The following DNAH17 variants were observed in gnomAD, a reference collection of about 807,000 sequenced individuals.
DNAH17 encodes dynein axonemal heavy chain 17, also known as axonemal beta dynein heavy chain 17.
In DNAH17, 376 loss-of-function variants were observed where a neutral mutation model predicts 485.6. The ratio of observed to expected loss-of-function variants is 0.77; its 90% confidence interval spans 0.71 to 0.84. The LOEUF (loss-of-function observed/expected upper bound fraction) is 0.84, where lower values mean the gene tolerates loss of function less well. DNAH17 is among the 40% of genes least tolerant of loss of function. DNAH17 has a pLI of 0.00. For synonymous variants in DNAH17, 3,031 were observed against 2,405.9 expected (o/e 1.26, Z -7.60); for missense variants, 6,370 against 5,839.3 (o/e 1.09, Z -2.96).
rs564518198 is a variant in DNAH17 at position 78,427,055 on chromosome 17, C to T, written c.12642G>A (p.Met4214Ile). ...ILEKIPETFN[M>I]AEIMAKAAEK... ...CCGCTGCCTTTGCCATGATCTCAGC[C>T]ATGTTGAAAGTCTCCGGAATCTTCT... is the stretch of plus-strand genomic sequence containing the variant. Residue 4214 changes from methionine (M) to isoleucine (I), a missense_variant, in exon 78 of 81, where the codon ATG (methionine) becomes ATA (isoleucine). Transcript: ENST00000389840. 10 of 1,599,258 alleles carry T rather than the reference C, an allele frequency of 6.3e-6. No homozygotes were observed. The Admixed American group carries it at 1.6e-4, about 25-fold the overall frequency.
At chr17:78,468,310 G>A (rs28464295) in intron 55 of DNAH17, among the ~76,000 whole-genome samples, 8,226 of 152,032 alleles carry the variant, frequency 0.054, 724 homozygotes, top group African/African-American at 0.18. Context: ...GTTTTATATC[G>A]GGCCCTTGAG....
At chr17:78,460,282 G>T (rs79145832) in intron 58 of DNAH17, 25 bp from the exon 59 acceptor site, 10 of 1,564,878 alleles carry the variant, frequency 6.4e-6, no homozygotes, top group Admixed American at 5.7e-5. Flanking sequence ...GACAGGAGAG[G>T]TTACTGCAGG....
intron 18 of DNAH17, among the ~76,000 whole-genome samples, chr17:78,539,363 A>C (rs2091461390): frequency 6.6e-6 from 1 of 152,230 alleles, no homozygotes; most frequent in South Asian, 2.1e-4. Context: ...GCCGTATATA[A>C]TCAAGTAGGT....
intron 68 of DNAH17, 184 bp downstream of exon 68, chr17:78,450,070 G>A: frequency 3.1e-6 from 2 of 643,800 alleles, no homozygotes; most frequent in Middle Eastern, 2.5e-4. Flanking sequence ...GGGGAGAATG[G>A]GTGTAGGACT....
chr17:78,574,465 T>C (rs1308616379), intron 2 of DNAH17, among the ~76,000 whole-genome samples: 1 of 150,966 alleles, frequency 6.6e-6, no homozygotes, highest in African/African-American at 2.4e-5. Flanking sequence ...CTCCCACCAC[T>C]GCACTCCAGC....
rs1337883603 is a variant in DNAH17 at position 78,449,404 on chromosome 17, T to A, written c.11211+10A>T. On this transcript the variant is annotated intron_variant, in intron 69 of 80. Coordinates refer to ENST00000389840, the MANE Select transcript of DNAH17 (RefSeq NM_173628.4). ...CGGACCACACTAGGAACAGTGAGGC[T>A]AGACATTACCTGAAACGTAACTTGT... 8.4e-6 allele frequency: 13 copies of A among 1,547,192 alleles called. No individual in the cohort carries two copies. Among genetic ancestry groups the A allele is most frequent in the African/African-American group, 1.4e-5 (1 of 72,900 alleles).
At chr17:78,484,783 G>C in intron 48 of DNAH17, 85 bp downstream of exon 48, 1 of 671,350 alleles carries the variant, frequency 1.5e-6, no homozygotes. Flanking sequence ...CTGCCCTGGG[G>C]CTCCGCCTCT....
intron 54 of DNAH17, among the ~76,000 whole-genome samples, chr17:78,471,171 C>G (rs2088732104): frequency 6.6e-6 from 1 of 152,194 alleles, no homozygotes. Flanking sequence ...GCTGCTCCAT[C>G]CTTCGGAAGC....
chr17:78,541,729 GCCTGCCCTCTTGCTATGCT>G (rs2091594650), intron 17 of DNAH17, among the ~76,000 whole-genome samples: 1 of 151,986 alleles, frequency 6.6e-6, no homozygotes, highest in South Asian at 2.1e-4. Flanking sequence ...CTGCCTCCTC[GCCTGCCCTCTTGCTATGCT>G]CCTGCCCTCT....
intron 24 of DNAH17, among the ~76,000 whole-genome samples, chr17:78,525,409 G>A (rs535863790): frequency 6.6e-6 from 1 of 152,352 alleles, no homozygotes; most frequent in Admixed American, 6.5e-5. Context: ...GACTCCCAAT[G>A]GGCATGGTAA....
At chr17:78,506,075 C>CT (rs1336611625) in intron 30 of DNAH17, among the ~76,000 whole-genome samples, 1 of 151,986 alleles carries the variant, frequency 6.6e-6, no homozygotes, top group African/African-American at 2.4e-5. Context: ...CATATCCCTT[C>CT]TTCTTGTGTA....
intron 54 of DNAH17, chr17:78,472,627 T>G (rs1277962440): frequency 7.1e-6 from 3 of 424,522 alleles, no homozygotes; most frequent in Non-Finnish European, 1.4e-5. Flanking sequence ...CCGGGGGCTG[T>G]GTGTGGGGTG....
Position 78,493,436 on chromosome 17 carries a change from A to G in DNAH17, c.6408+600T>C, listed in dbSNP as rs114026760. 8.9e-3 allele frequency among the ~76,000 whole-genome samples: 1,353 copies of G among 152,326 alleles called. 19 individuals are homozygous for G. The highest frequency in any genetic ancestry group is 0.031 in the African/African-American group (1,282 of 41,566). On this transcript the variant is annotated intron_variant, in intron 41 of 80. Transcript: ENST00000389840. ...ACTCCCCACAATCCTCCATTCAGGGAAAAGGAGCTTTAAAGACACGGTTGA... is the reference window on the plus strand; with the variant it reads ...ACTCCCCACAATCCTCCATTCAGGGGAAAGGAGCTTTAAAGACACGGTTGA...
Position 78,506,792 on chromosome 17 carries a change from A to G in DNAH17, c.4731T>C (p.Ala1577=). The part of the protein sequence containing the change: ...LAEYLETKRL[A]FPRFYFVSSA... The stretch of plus-strand genomic sequence containing the variant: ...AGGAGACAAAATAGAACCGGGGGAA[A>G]GCCAGTCTTTTCGTCTCTAAATACT... The change falls in exon 30 of 81, where the codon GCT becomes GCC. Residue 1577 remains alanine (A), a synonymous_variant. Coordinates refer to ENST00000389840, the MANE Select transcript of DNAH17 (RefSeq NM_173628.4). 6.2e-7 allele frequency: 1 copy of G among 1,613,970 alleles called. No homozygotes were observed. The highest frequency in any genetic ancestry group is 1.1e-5 in the South Asian group (1 of 91,078).
intron 48 of DNAH17, among the ~76,000 whole-genome samples, chr17:78,484,387 C>A (rs1035562157): frequency 5.3e-5 from 8 of 152,140 alleles, no homozygotes; most frequent in African/African-American, 1.7e-4. Flanking sequence ...CCACAGCCAG[C>A]AGGACACTGC....
At chr17:78,452,125 G>A (rs2087580166) in intron 65 of DNAH17, among the ~76,000 whole-genome samples, 3 of 151,802 alleles carry the variant, frequency 2.0e-5, no homozygotes, top group Admixed American at 2.0e-4. Flanking sequence ...ACTTTGAGGG[G>A]CCTCTGGCTA....
At chr17:78,521,092 G>A (rs2090921359) in intron 25 of DNAH17, among the ~76,000 whole-genome samples, 1 of 152,188 alleles carries the variant, frequency 6.6e-6, no homozygotes, top group Non-Finnish European at 1.5e-5. Flanking sequence ...ACTGACTTTT[G>A]ATAAAGATGC....
At chr17:78,575,176 G>T in intron 1 of DNAH17, 94 bp from the exon 2 acceptor site, 1 of 883,896 alleles carries the variant, frequency 1.1e-6, no homozygotes, top group Non-Finnish European at 1.7e-6. Context: ...TGTTTCTACC[G>T]GAGCAGGAAC....
At chr17:78,494,291 G>A (rs2089983213) in intron 40 of DNAH17, 118 bp from the exon 41 acceptor site, 22 of 1,404,102 alleles carry the variant, frequency 1.6e-5, no homozygotes, top group East Asian at 4.8e-5. Flanking sequence ...CTTGCCCTCC[G>A]ATGCACGTGC....
Sources: allele counts gnomAD v4.1 joint callset (sites outside exome capture counted in the v4.1 genomes callset), GRCh38; gene constraint gnomAD v4.1.1; transcripts MANE v1.5; gene names NCBI Gene and HGNC (gene_info 2026-07-23, HGNC 2026-07-21).